RALGPS1: variants seen among roughly 807,000 people sequenced by gnomAD.
The protein encoded by RALGPS1 is Ral GEF with PH domain and SH3 binding motif 1, also known as ras-specific guanine nucleotide-releasing factor RalGPS1.
In RALGPS1, 19 loss-of-function variants were observed where a neutral mutation model predicts 78.8. The ratio of observed to expected loss-of-function variants is 0.24; its 90% CI spans 0.17 to 0.35. The LOEUF (loss-of-function observed/expected upper bound fraction) is 0.35, where lower values mean the gene tolerates loss of function less well. Ranked by LOEUF, RALGPS1 falls within the 10% of genes least tolerant of loss-of-function variation. The pLI, the probability that RALGPS1 is intolerant of heterozygous loss-of-function variation, is 1.00. For missense variants in RALGPS1, 454 were observed against 688.3 expected, an observed-to-expected ratio of 0.66 and a Z score of 3.81; for synonymous variants, 228 against 256.3, an observed-to-expected ratio of 0.89 and a Z score of 1.06.
At chr9:127,131,459 G>T (rs559564072) in intron 8 of RALGPS1, among the ~76,000 whole-genome samples, 1 of 152,288 alleles carries the variant, frequency 6.6e-6, no homozygotes, top group East Asian at 1.9e-4. Flanking sequence ...CACTGGGGAG[G>T]CCTCCTGTGT....
At chr9:127,016,660 G>A (rs906754924) in intron 4 of RALGPS1, 2 of 152,168 alleles carry the variant, frequency 1.3e-5, no homozygotes, top group Non-Finnish European at 2.9e-5. Context: ...CCTTTTGCAG[G>A]AGTGAAGCAT....
intron 4 of RALGPS1, among the ~76,000 whole-genome samples, chr9:127,023,141 G>A (rs7024941): frequency 1.3e-5 from 2 of 151,636 alleles, no homozygotes; most frequent in African/African-American, 4.9e-5. Flanking sequence ...CACCATCATC[G>A]TCCAAGAAAG....
chr9:127,002,553 G>T (rs545793270), intron 4 of RALGPS1, among the ~76,000 whole-genome samples: 1 of 147,236 alleles, frequency 6.8e-6, no homozygotes, highest in Non-Finnish European at 1.5e-5. Context: ...CCACTAGCTC[G>T]TCATCTAGCA....
At chr9:127,101,646 C>T (rs1248972419) in intron 8 of RALGPS1, among the ~76,000 whole-genome samples, 2 of 152,166 alleles carry the variant, frequency 1.3e-5, no homozygotes, top group East Asian at 3.9e-4. Flanking sequence ...CAGACCAAAC[C>T]CTGGCAAAGG....
chr9:126,994,242 G>A (rs1196088138), intron 4 of RALGPS1, among the ~76,000 whole-genome samples: 1 of 151,056 alleles, frequency 6.6e-6, no homozygotes, highest in Non-Finnish European at 1.5e-5. Flanking sequence ...AGCTACAGGA[G>A]GAAATTTGAA....
intron 8 of RALGPS1, among the ~76,000 whole-genome samples, chr9:127,116,593 G>C (rs1184553827): frequency 6.6e-6 from 1 of 152,172 alleles, no homozygotes; most frequent in Admixed American, 6.5e-5. Flanking sequence ...GAAAGCCCTA[G>C]ACAAGAGGGA....
At chr9:127,003,673 TTTTCTTTC>T (rs764181088) in intron 4 of RALGPS1, among the ~76,000 whole-genome samples, 1 of 152,080 alleles carries the variant, frequency 6.6e-6, no homozygotes, top group Non-Finnish European at 1.5e-5. Context: ...TGCCAAACTG[TTTTCTTTC>T]TTTCTTTCTT....
intron 14 of RALGPS1, among the ~76,000 whole-genome samples, chr9:127,207,799 T>C (rs1379748478): frequency 6.6e-6 from 1 of 152,166 alleles, no homozygotes; most frequent in Non-Finnish European, 1.5e-5. Flanking sequence ...TCCTAAAGGC[T>C]GGCCTGGAGA....
chr9:127,109,874 C>G lies in RALGPS1; in HGVS notation c.610+40518C>G, dbSNP rs114834138. ...CTTCCCTGAGAAAGTGCCCTTTACA[C>G]TGACCCTTGAGGAATGAGTAGGAGT... On this transcript the variant is annotated intron_variant, in intron 8 of 18. Coordinates refer to ENST00000259351, the MANE Select transcript of RALGPS1 (RefSeq NM_014636.3). Among the ~76,000 whole-genome samples the G allele has an allele frequency of 7.8e-3, 1,195 of 152,256 alleles. 23 individuals are homozygous for G. The highest frequency in any genetic ancestry group is 0.027 in the African/African-American group (1,128 of 41,534).
chr9:127,056,252 A>G (rs2048736672), intron 7 of RALGPS1, among the ~76,000 whole-genome samples: 3 of 152,184 alleles, frequency 2.0e-5, no homozygotes, highest in African/African-American at 7.2e-5. Flanking sequence ...TTGTGTCCTA[A>G]GGGCTGAGCC....
intron 8 of RALGPS1, among the ~76,000 whole-genome samples, chr9:127,150,431 A>G (rs1318149922): frequency 6.6e-6 from 1 of 152,076 alleles, no homozygotes; most frequent in Admixed American, 6.5e-5. Context: ...CTCTTTCACC[A>G]TTGCTTTAGG....
chr9:126,987,279 G>T (rs1374792503), intron 4 of RALGPS1, among the ~76,000 whole-genome samples: 1 of 152,108 alleles, frequency 6.6e-6, no homozygotes, highest in Non-Finnish European at 1.5e-5. Flanking sequence ...TCAATCTTGG[G>T]GTTGTGACAT....
intron 5 of RALGPS1, among the ~76,000 whole-genome samples, chr9:127,045,748 C>CACACACACACAT (rs2047698470): frequency 9.5e-6 from 1 of 104,908 alleles, no homozygotes; most frequent in Non-Finnish European, 1.9e-5. Flanking sequence ...CACACACACA[C>CACACACACACAT]ACACACACAC....
intron 5 of RALGPS1, among the ~76,000 whole-genome samples, chr9:127,037,990 T>C (rs2046999781): frequency 6.6e-6 from 1 of 152,204 alleles, no homozygotes; most frequent in Non-Finnish European, 1.5e-5. Flanking sequence ...AGGAAGAAGC[T>C]ATGGATGAGG....
chr9:127,174,169 C>T (rs1016611696), intron 10 of RALGPS1, among the ~76,000 whole-genome samples: 41 of 150,782 alleles, frequency 2.7e-4, no homozygotes, highest in African/African-American at 1.0e-3. Flanking sequence ...GAGGCTGAGG[C>T]AGGAGAATCA....
chr9:127,106,413 C>T (rs529671717), intron 8 of RALGPS1, among the ~76,000 whole-genome samples: 1 of 152,316 alleles, frequency 6.6e-6, no homozygotes, highest in East Asian at 1.9e-4. Context: ...GATGAAAAGA[C>T]CTAGATCAAA....
intron 7 of RALGPS1, among the ~76,000 whole-genome samples, chr9:127,059,400 C>T (rs2049011571): frequency 6.6e-6 from 1 of 152,184 alleles, no homozygotes; most frequent in African/African-American, 2.4e-5. Context: ...AACTGCTTCT[C>T]AGAAGATCTC....
chr9:127,091,743 A>G lies in RALGPS1; in HGVS notation c.610+22387A>G. The stretch of plus-strand genomic sequence containing the variant: ...TGTGCCATGTAAAGGAGTCACCCGC[A>G]TTGCCATGGTAGCGCCCCAGCCGCA... On this transcript the variant is annotated intron_variant, in intron 8 of 18. Transcript: ENST00000259351. The surrounding 1 kb of genome is among the most constrained non-coding windows in gnomAD (Gnocchi z 4.3). 6.2e-7 allele frequency: 1 copy of G among 1,614,078 alleles called. No individual in the cohort carries two copies. Among genetic ancestry groups the G allele is most frequent in the Non-Finnish European group, 8.5e-7 (1 of 1,180,036 alleles).
intron 8 of RALGPS1, among the ~76,000 whole-genome samples, chr9:127,154,819 T>C (rs1384618001): frequency 6.6e-6 from 1 of 152,236 alleles, no homozygotes; most frequent in African/African-American, 2.4e-5. Flanking sequence ...GTCTGTGATC[T>C]CACTCTCTGG....
Sources: gnomAD v4.1 joint callset for allele counts (sites outside exome capture counted in the v4.1 genomes callset) on GRCh38, gnomAD v4.1.1 for gene constraint, Gnocchi (gnomAD v3.1) non-coding constraint, MANE v1.5 for transcripts, NCBI Gene and HGNC (gene_info 2026-07-23, HGNC 2026-07-21) for gene names.